MET: variants seen among roughly 807,000 people sequenced by gnomAD.
The protein encoded by MET is hepatocyte growth factor receptor.
Under a neutral mutation model 133.1 loss-of-function variants are expected in MET, and 48 were observed. The observed-to-expected ratio is 0.36, with a 90% CI of 0.29 to 0.46. MET has a LOEUF of 0.46. MET is among the 20% of genes least tolerant of loss of function. The pLI is 1.00. For missense variants in MET, 1,442 were observed against 1,695.9 expected (o/e 0.85, Z 2.63); for synonymous variants, 628 against 616.5 (o/e 1.02, Z -0.28).
At chr7:116,773,737 A>G (rs771791385) in intron 14 of MET, among the ~76,000 whole-genome samples, 6 of 152,170 alleles carry the variant, frequency 3.9e-5, no homozygotes, top group Non-Finnish European at 7.3e-5. Flanking sequence ...AGTGTCTACT[A>G]TAACTGTAAT....
At chr7:116,768,348 T>G (rs1794707663) in intron 11 of MET, among the ~76,000 whole-genome samples, 1 of 152,212 alleles carries the variant, frequency 6.6e-6, no homozygotes, top group African/African-American at 2.4e-5. Context: ...CTCCAATATG[T>G]GGATAAGGGT....
intron 19 of MET, among the ~76,000 whole-genome samples, chr7:116,785,934 T>C (rs781486731): frequency 1.3e-5 from 2 of 152,256 alleles, no homozygotes; most frequent in Non-Finnish European, 2.9e-5. Context: ...GGGAGTAGAA[T>C]GTCCAGGCAG....
intron 19 of MET, 56 bp from the exon 20 acceptor site, chr7:116,795,599 T>C (rs2117106627): frequency 6.2e-7 from 1 of 1,611,216 alleles, no homozygotes; most frequent in Non-Finnish European, 8.5e-7. Flanking sequence ...TGATTTCCTT[T>C]CATATATGTA....
chr7:116,752,074 A>G (rs1376966388), intron 5 of MET, among the ~76,000 whole-genome samples: 1 of 152,070 alleles, frequency 6.6e-6, no homozygotes, highest in Non-Finnish European at 1.5e-5. Context: ...AAAAAAAAAG[A>G]AAGAAAGAAA....
intron 14 of MET, 101 bp from the exon 15 acceptor site, chr7:116,774,779 CA>C: frequency 1.2e-6 from 1 of 868,990 alleles, no homozygotes; most frequent in South Asian, 1.4e-5. Flanking sequence ...AATTTATTAT[CA>C]TTTTTATCAA....
Position 116,771,657 on chromosome 7 carries a change from G to A in MET, c.2887+3G>A, listed in dbSNP as rs2116993318. On this transcript the variant is annotated splice_donor_region_variant and intron_variant, in intron 13 of 20. Coordinates refer to ENST00000397752, the MANE Select transcript of MET (RefSeq NM_000245.4). ...GAAAAAGAGAAAGCAAATTAAAGGT[G>A]CATTTTTGTTACTGTTCATTTTTAG... is the stretch of plus-strand genomic sequence containing the variant. 1 of 1,613,520 alleles carries A rather than the reference G, an allele frequency of 6.2e-7. No individual in the cohort carries two copies.
rs1288804179 is a variant in MET, at chr7:116,763,080, A to T, written c.2395A>T (p.Ile799Phe). ...TCAACATCGCTCTAATTCAGAGATA[A>T]TCTGTTGTACCACTCCTTCCCTGCA... ...ACQHRSNSEI[I>F]CCTTPSLQQL... The change falls in exon 11 of 21, where the codon ATC (isoleucine) becomes TTC (phenylalanine). Residue 799 changes from isoleucine to phenylalanine, a missense_variant. Transcript: ENST00000397752. 1 of 1,614,034 alleles carries T rather than the reference A, an allele frequency of 6.2e-7. No individual in the cohort carries two copies. The highest frequency in any genetic ancestry group is 8.5e-7 in the Non-Finnish European group (1 of 1,179,978).
At chr7:116,685,580 G>A (rs536063252) in intron 1 of MET, among the ~76,000 whole-genome samples, 1 of 152,234 alleles carries the variant, frequency 6.6e-6, no homozygotes, top group South Asian at 2.1e-4. Flanking sequence ...CAACTACTCA[G>A]GAGGCTGAGG....
chr7:116,749,511 G>T (rs1793833890), intron 5 of MET, among the ~76,000 whole-genome samples: 1 of 152,180 alleles, frequency 6.6e-6, no homozygotes, highest in Non-Finnish European at 1.5e-5. Flanking sequence ...CATTTTGAAT[G>T]GGCAAAAGCT....
chr7:116,795,345 T>C (rs1795635641), intron 19 of MET, among the ~76,000 whole-genome samples: 1 of 152,228 alleles, frequency 6.6e-6, no homozygotes, highest in Non-Finnish European at 1.5e-5. Flanking sequence ...AGAAACATGT[T>C]AGTGCTTTGA....
chr7:116,729,290 G>C (rs967835858), intron 2 of MET, among the ~76,000 whole-genome samples: 1 of 152,028 alleles, frequency 6.6e-6, no homozygotes. Flanking sequence ...AGAGTCAGTG[G>C]GTTTAGCATC....
At chr7:116,779,405 A>G (rs562531041) in intron 17 of MET, among the ~76,000 whole-genome samples, 1 of 152,296 alleles carries the variant, frequency 6.6e-6, no homozygotes, top group East Asian at 1.9e-4. Context: ...GTGCTCCCTC[A>G]GCCTGGAACA....
At chr7:116,757,847 G>A (rs1383276866) in intron 8 of MET, 73 bp downstream of exon 8, 2 of 1,512,320 alleles carry the variant, frequency 1.3e-6, no homozygotes, top group African/African-American at 2.7e-5. Context: ...TAAGCAGATT[G>A]TTTTGTGTGT....
intron 11 of MET, among the ~76,000 whole-genome samples, chr7:116,767,727 T>G (rs1457025042): frequency 6.6e-6 from 1 of 151,554 alleles, no homozygotes; most frequent in Non-Finnish European, 1.5e-5. Context: ...GTTGAATGAC[T>G]TTTATTTAAT....
chr7:116,716,972 C>A (rs1792268339), intron 2 of MET, among the ~76,000 whole-genome samples: 1 of 152,164 alleles, frequency 6.6e-6, no homozygotes, highest in Admixed American at 6.5e-5. Flanking sequence ...CCCAGCTTTG[C>A]TCCCTTGCTA....
At chr7:116,758,350 A>G in intron 8 of MET, 109 bp from the exon 9 acceptor site, 1 of 1,174,968 alleles carries the variant, frequency 8.5e-7, no homozygotes, top group Non-Finnish European at 1.2e-6. Context: ...CACTCAGGAA[A>G]TTCCCACTTA....
At chr7:116,772,049 ATTG>A in intron 14 of MET, 60 bp downstream of exon 14, 1 of 1,582,450 alleles carries the variant, frequency 6.3e-7, no homozygotes, top group South Asian at 1.1e-5. Flanking sequence ...GGGTTGTGAC[ATTG>A]TTGTTTATTT....
In MET at chr7:116,775,060, G is replaced by T. The variant is rs760285693; in HGVS notation, c.3208G>T (p.Val1070Leu). ...PELVQAVQHV[V>L]IGPSSLIVHF... ...GCTGGTCCAGGCAGTGCAGCATGTA[G>T]TGATTGGGCCCAGTAGCCTGATTGT... Residue 1070 changes from valine to leucine, a missense_variant, in exon 15 of 21, where the codon GTG (valine) becomes TTG (leucine). Physicochemically the swap from Val to Leu is conservative, Grantham distance 32 (BLOSUM62 1). Coordinates refer to ENST00000397752, the MANE Select transcript of MET (RefSeq NM_000245.4). The T allele has an allele frequency of 7.4e-6, 12 of 1,614,212 alleles. No homozygotes were observed. The highest frequency in any genetic ancestry group is 1.0e-5 in the Non-Finnish European group (12 of 1,180,016).
chr7:116,716,331 GAGAGAGAA>G (rs1485458008), intron 2 of MET, among the ~76,000 whole-genome samples: 4 of 129,810 alleles, frequency 3.1e-5, no homozygotes, highest in African/African-American at 9.3e-5. Context: ...GAGAGAGAGA[GAGAGAGAA>G]AAGAAACGGA....
Sources: allele counts gnomAD v4.1 joint callset (sites outside exome capture counted in the v4.1 genomes callset), GRCh38; gene constraint gnomAD v4.1.1; transcripts MANE v1.5; gene names NCBI Gene and HGNC (gene_info 2026-07-23, HGNC 2026-07-21).